GRID2: variants seen among roughly 807,000 people sequenced by gnomAD.
GRID2 encodes the protein glutamate receptor ionotropic, delta-2.
A neutral mutation model predicts 114.8 loss-of-function variants in GRID2; 33 were observed. The observed-to-expected ratio is 0.29, with a 90% CI of 0.22 to 0.38. The LOEUF (loss-of-function observed/expected upper bound fraction) is 0.38, where lower values mean the gene tolerates loss of function less well. GRID2 is among the 10% of genes least tolerant of loss of function. The probability of loss-of-function intolerance (pLI) is 1.00; values close to 1 mark genes in which losing one functional copy is unlikely to be tolerated. For synonymous variants in GRID2, 505 were observed against 449.9 expected (o/e 1.12, Z -1.55); for missense variants, 1,184 against 1,257.7 (o/e 0.94, Z 0.89).
intron 13 of GRID2, among the ~76,000 whole-genome samples, chr4:93,530,825 A>G (rs779420128): frequency 6.6e-5 from 10 of 152,162 alleles, no homozygotes; most frequent in Non-Finnish European, 1.5e-4. Context: ...AGAAATCAAT[A>G]TCAGATTATT....
chr4:92,770,892 A>T, intron 2 of GRID2, among the ~76,000 whole-genome samples: 1 of 152,170 alleles, frequency 6.6e-6, no homozygotes, highest in East Asian at 1.9e-4. Context: ...TGCGTTGCAC[A>T]TACAATCGCC....
intron 1 of GRID2, among the ~76,000 whole-genome samples, chr4:92,392,250 C>T (rs974565806): frequency 2.0e-5 from 3 of 151,566 alleles, no homozygotes; most frequent in Non-Finnish European, 2.9e-5. Context: ...ATTCAGTGTG[C>T]ACCCCTTGAG....
At chr4:92,553,578 G>A (rs1337061127) in intron 1 of GRID2, among the ~76,000 whole-genome samples, 3 of 151,754 alleles carry the variant, frequency 2.0e-5, no homozygotes, top group Admixed American at 1.3e-4. Context: ...TTTTTTAATT[G>A]CATAAATTAT....
chr4:92,600,044 G>GTATATATATATATATATATATA (rs70942915), intron 2 of GRID2, among the ~76,000 whole-genome samples: 1 of 54,432 alleles, frequency 1.8e-5, no homozygotes, highest in Non-Finnish European at 3.4e-5. Context: ...GTGTGTGTGT[G>GTATATATATATATATATATATA]TATATATATA....
chr4:93,314,238 GA>G (rs766803638), intron 8 of GRID2, among the ~76,000 whole-genome samples: 20 of 149,348 alleles, frequency 1.3e-4, no homozygotes, highest in Non-Finnish European at 2.7e-4. Flanking sequence ...CTGGGAGGTG[GA>G]GGTTGCAGTG....
intron 2 of GRID2, among the ~76,000 whole-genome samples, chr4:92,634,125 AC>A (rs943007287): frequency 1.7e-4 from 25 of 150,054 alleles, no homozygotes; most frequent in African/African-American, 5.3e-4. Context: ...AAAAAAAAAA[AC>A]AACAAAAAAC....
At chr4:92,614,643 G>A (rs1451540035) in intron 2 of GRID2, among the ~76,000 whole-genome samples, 5 of 151,648 alleles carry the variant, frequency 3.3e-5, no homozygotes, top group South Asian at 2.1e-4. Context: ...CTATTCTGGA[G>A]TATATTCATG....
intron 14 of GRID2, among the ~76,000 whole-genome samples, chr4:93,708,290 G>A (rs1360667144): frequency 1.3e-5 from 2 of 150,910 alleles, no homozygotes; most frequent in Non-Finnish European, 2.9e-5. Context: ...GCTGTAAGTG[G>A]GCTGTTGAAG....
chr4:92,712,996 CTTTTTTT>C (rs552257695), intron 2 of GRID2, among the ~76,000 whole-genome samples: 3 of 143,420 alleles, frequency 2.1e-5, no homozygotes, highest in African/African-American at 5.1e-5. Flanking sequence ...TTTCTTTTTT[CTTTTTTT>C]TTTTTATTAT....
Position 92,506,764 on chromosome 4 carries a change from A to G in GRID2, c.89-83367A>G, listed in dbSNP as rs1723993644. Among the ~76,000 whole-genome samples the G allele has an allele frequency of 1.3e-5, 2 of 151,966 alleles. 1 individual carries two copies. Among genetic ancestry groups the G allele is most frequent in the East Asian group, 3.9e-4 (2 of 5,174 alleles). On this transcript the variant is annotated intron_variant, in intron 1 of 15. Transcript: ENST00000282020. ...GAGCATTCAGGTATTCCCAAATAAT[A>G]TACATTCACCTCCTTTGAGACAATA...
chr4:93,575,598 T>G (rs1286743919), intron 13 of GRID2, among the ~76,000 whole-genome samples: 1 of 152,174 alleles, frequency 6.6e-6, no homozygotes, highest in African/African-American at 2.4e-5. Context: ...TAATGGTTTC[T>G]TCCTTCACAT....
intron 8 of GRID2, among the ~76,000 whole-genome samples, chr4:93,355,326 T>A (rs910931251): frequency 1.4e-5 from 2 of 138,708 alleles, no homozygotes; most frequent in Non-Finnish European, 3.3e-5. Flanking sequence ...ACACCTTGGT[T>A]GAGCTGGATT....
At chr4:93,108,770 A>G (rs1304726224) in intron 3 of GRID2, among the ~76,000 whole-genome samples, 1 of 151,762 alleles carries the variant, frequency 6.6e-6, no homozygotes, top group African/African-American at 2.4e-5. Context: ...GGCTGGGACT[A>G]CAGGCGTGTG....
At chr4:92,456,648 C>T (rs1721231393) in intron 1 of GRID2, among the ~76,000 whole-genome samples, 2 of 152,078 alleles carry the variant, frequency 1.3e-5, no homozygotes, top group African/African-American at 4.8e-5. Context: ...AAGATCTAAT[C>T]TATGTATCAC....
intron 2 of GRID2, among the ~76,000 whole-genome samples, chr4:92,891,021 C>T (rs1746742219): frequency 1.3e-5 from 2 of 152,046 alleles, no homozygotes. Context: ...GAACAGAAAA[C>T]TAAATTCCTC....
chr4:92,713,757 C>T (rs1025182518), intron 2 of GRID2, among the ~76,000 whole-genome samples: 1 of 151,760 alleles, frequency 6.6e-6, no homozygotes, highest in Non-Finnish European at 1.5e-5. Flanking sequence ...ACCATCAGAT[C>T]TCATGAGACT....
At chr4:92,998,685 A>T (rs1485005384) in intron 2 of GRID2, among the ~76,000 whole-genome samples, 1 of 147,108 alleles carries the variant, frequency 6.8e-6, no homozygotes, top group Non-Finnish European at 1.5e-5. Flanking sequence ...CTCTTGTCAG[A>T]TTTTTTTTTT....
At chr4:93,044,544 ATAT>A (rs1725940858) in intron 2 of GRID2, among the ~76,000 whole-genome samples, 1 of 152,188 alleles carries the variant, frequency 6.6e-6, no homozygotes, top group Non-Finnish European at 1.5e-5. Flanking sequence ...AGTTAAAGTG[ATAT>A]TAGTTTTGCA....
At chr4:92,927,643 G>GT (rs1288192622) in intron 2 of GRID2, among the ~76,000 whole-genome samples, 2 of 151,758 alleles carry the variant, frequency 1.3e-5, no homozygotes, top group South Asian at 4.1e-4. Context: ...TATCTTCAGT[G>GT]TTTTTTGCTA....
Sources: allele counts gnomAD v4.1 joint callset (sites outside exome capture counted in the v4.1 genomes callset), GRCh38; gene constraint gnomAD v4.1.1; transcripts MANE v1.5; gene names NCBI Gene and HGNC (gene_info 2026-07-23, HGNC 2026-07-21).